The following DOCK1 variants were observed in gnomAD, a reference collection of about 807,000 sequenced individuals.
The protein encoded by DOCK1 is dedicator of cytokinesis protein 1.
In DOCK1, 138 loss-of-function variants were observed where a neutral mutation model predicts 262.7. The ratio of observed to expected loss-of-function variants is 0.53; its 90% CI spans 0.46 to 0.61. The LOEUF is 0.61. DOCK1 is among the 20% of genes least tolerant of loss of function. The probability of loss-of-function intolerance (pLI) is 0.00; values close to 1 mark genes in which losing one functional copy is unlikely to be tolerated. For missense variants in DOCK1, 1,908 were observed against 2,370.7 expected (o/e 0.80, Z 4.05); for synonymous variants, 866 against 867.4 (o/e 1.00, Z 0.03).
At position 127,096,934 on chromosome 10, in the gene DOCK1, G is replaced by A. The variant is rs1221511205; in HGVS notation, c.2446-9297G>A. On this transcript the variant is annotated intron_variant, in intron 23 of 51. Transcript: ENST00000623213. ...AGCCTGGCCAACATGGTGAAACCCC[G>A]TCTCTACTAAAAATACAAAAATTAG... 9.2e-5 allele frequency among the ~76,000 whole-genome samples: 14 copies of A among 151,710 alleles called. 1 individual carries two copies. The highest frequency in any genetic ancestry group is 3.9e-4 in the Admixed American group (6 of 15,206).
chr10:127,072,448 C>G (rs886854714), intron 23 of DOCK1, among the ~76,000 whole-genome samples: 2 of 152,068 alleles, frequency 1.3e-5, no homozygotes, highest in African/African-American at 2.4e-5. Context: ...AAATCACAGA[C>G]ATAAAATTAT....
intron 29 of DOCK1, among the ~76,000 whole-genome samples, chr10:127,312,891 A>AT (rs1319936327): frequency 8.7e-5 from 13 of 150,098 alleles, no homozygotes; most frequent in African/African-American, 3.0e-4. Context: ...CACATAAACC[A>AT]TTTTCCACAC....
At chr10:127,397,113 C>T (rs1055349010) in intron 38 of DOCK1, among the ~76,000 whole-genome samples, 1 of 143,670 alleles carries the variant, frequency 7.0e-6, no homozygotes, top group African/African-American at 2.7e-5. Flanking sequence ...GTTACACGGG[C>T]GGTGTCTCCT....
intron 1 of DOCK1, among the ~76,000 whole-genome samples, chr10:126,934,816 T>A (rs1343118461): frequency 4.7e-5 from 7 of 149,224 alleles, no homozygotes; most frequent in African/African-American, 1.8e-4. Flanking sequence ...CAATAAGGAT[T>A]ATGGAAAGTA....
intron 15 of DOCK1, among the ~76,000 whole-genome samples, chr10:127,025,447 G>A (rs2042765951): frequency 6.6e-6 from 1 of 151,996 alleles, no homozygotes; most frequent in Non-Finnish European, 1.5e-5. Flanking sequence ...GAAGAAAAAC[G>A]GCAACTTTTC....
intron 11 of DOCK1, among the ~76,000 whole-genome samples, chr10:127,009,937 C>A (rs1200964710): frequency 6.6e-6 from 1 of 152,096 alleles, no homozygotes; most frequent in Non-Finnish European, 1.5e-5. Flanking sequence ...TCTTTGCAGG[C>A]GGGCGATGTG....
At chr10:127,043,010 A>T in intron 20 of DOCK1, 54 bp from the exon 21 acceptor site, 1 of 1,380,044 alleles carries the variant, frequency 7.2e-7, no homozygotes, top group East Asian at 2.4e-5. Flanking sequence ...GATGAAGATT[A>T]TAAAATGGCT....
intron 27 of DOCK1, among the ~76,000 whole-genome samples, chr10:127,149,122 T>C (rs1233243949): frequency 1.3e-5 from 2 of 152,170 alleles, no homozygotes; most frequent in Non-Finnish European, 2.9e-5. Context: ...TACCCTTCTG[T>C]GCAGTCTCTT....
At chr10:127,352,134 G>T (rs1259687010) in intron 31 of DOCK1, among the ~76,000 whole-genome samples, 1 of 149,250 alleles carries the variant, frequency 6.7e-6, no homozygotes, top group Admixed American at 6.7e-5. Context: ...CCACCCAAGG[G>T]AGAAGCACTG....
chr10:127,446,878 T>A lies in DOCK1; in HGVS notation c.5414-516T>A, dbSNP rs1429919883. Among the ~76,000 whole-genome samples the A allele has an allele frequency of 6.6e-6, 1 of 152,232 alleles. No individual in the cohort carries two copies. Among genetic ancestry groups the A allele is most frequent in the East Asian group, 1.9e-4 (1 of 5,194 alleles). On this transcript the variant is annotated intron_variant, in intron 50 of 51. Coordinates refer to ENST00000623213, the MANE Select transcript of DOCK1 (RefSeq NM_001290223.2). The surrounding 1 kb of genome is among the most constrained non-coding windows in gnomAD (Gnocchi z 4.4). ...GTGACTGCTATGGCTAATGACTTCA[T>A]GTCATACGACTGTGGATTTTCCTGT...
intron 27 of DOCK1, among the ~76,000 whole-genome samples, chr10:127,243,281 A>G (rs768104228): frequency 2.0e-5 from 3 of 152,176 alleles, no homozygotes; most frequent in Non-Finnish European, 4.4e-5. Flanking sequence ...TGTTTAAAAG[A>G]TATGTCTCAT....
intron 21 of DOCK1, among the ~76,000 whole-genome samples, chr10:127,051,716 A>G (rs545297562): frequency 1.3e-5 from 2 of 152,162 alleles, no homozygotes; most frequent in East Asian, 1.9e-4. Flanking sequence ...TTGAGTAGCT[A>G]GGACTACAGC....
chr10:126,950,478 C>T (rs2036115436), intron 1 of DOCK1, among the ~76,000 whole-genome samples: 1 of 152,050 alleles, frequency 6.6e-6, no homozygotes, highest in African/African-American at 2.4e-5. Context: ...TTCATCTTGT[C>T]TCAAGGGCTT....
chr10:127,229,730 C>T (rs1183255975), intron 27 of DOCK1, among the ~76,000 whole-genome samples: 4 of 152,202 alleles, frequency 2.6e-5, no homozygotes, highest in African/African-American at 9.6e-5. Context: ...GATTTCATTT[C>T]CTTTGGGTAT....
At chr10:127,031,047 G>A (rs1465884824) in intron 16 of DOCK1, among the ~76,000 whole-genome samples, 2 of 152,192 alleles carry the variant, frequency 1.3e-5, no homozygotes, top group African/African-American at 2.4e-5. Flanking sequence ...GAACTTTCTC[G>A]CCAAAGGCAG....
At chr10:127,366,670 C>G (rs148349911) in intron 33 of DOCK1, among the ~76,000 whole-genome samples, 1 of 128,358 alleles carries the variant, frequency 7.8e-6, no homozygotes, top group African/African-American at 3.0e-5. Context: ...CCCCTATTGT[C>G]GGTGATGTGG....
chr10:127,292,286 A>G (rs1199243761), intron 29 of DOCK1, among the ~76,000 whole-genome samples: 2 of 152,134 alleles, frequency 1.3e-5, no homozygotes, highest in African/African-American at 2.4e-5. Context: ...TTCTGTGCCA[A>G]TGCCAGGGAA....
chr10:127,219,374 G>C (rs2040105), intron 27 of DOCK1, among the ~76,000 whole-genome samples: 152,090 of 152,274 alleles, frequency 1, 75,953 homozygotes, highest in Middle Eastern at 1. Context: ...TTTCTCATCA[G>C]CAGTTGGCCT....
Position 126,990,562 on chromosome 10 carries a change from A to C in DOCK1, c.432A>C (p.Glu144Asp). Residue 144 changes from glutamate (E) to aspartate (D), a missense_variant, in exon 6 of 52, where the codon GAA becomes GAC. Coordinates refer to ENST00000623213, the MANE Select transcript of DOCK1 (RefSeq NM_001290223.2). ...CTCTGCCTCAGGATGAACTCAAAGA[A>C]CTGAAGAAGAAGGTCACAGCCAAAA... The part of the protein sequence containing the change: ...SGTLPQDELK[E>D]LKKKVTAKID... 1 of 1,613,854 alleles carries C rather than the reference A, an allele frequency of 6.2e-7. No homozygotes were observed. The highest frequency in any genetic ancestry group is 8.5e-7 in the Non-Finnish European group (1 of 1,179,852).
Sources: allele counts gnomAD v4.1 joint callset (sites outside exome capture counted in the v4.1 genomes callset), GRCh38; gene constraint gnomAD v4.1.1; non-coding constraint Gnocchi (gnomAD v3.1); transcripts MANE v1.5; gene names NCBI Gene and HGNC (gene_info 2026-07-23, HGNC 2026-07-21).